Variants in STK33 observed in about 807,000 individuals in gnomAD.
The protein encoded by STK33 is serine/threonine kinase 33.
In STK33, 52 loss-of-function variants were observed where a neutral mutation model predicts 58.0. The ratio of observed to expected loss-of-function variants is 0.90; its 90% CI spans 0.72 to 1.13. The LOEUF (loss-of-function observed/expected upper bound fraction) is 1.13. Ranked by LOEUF, STK33 falls within the 50% of genes most tolerant of loss-of-function variation. STK33 has a pLI of 0.00. For missense variants in STK33, 630 were observed against 604.2 expected (o/e 1.04, Z -0.45); for synonymous variants, 215 against 200.1 (o/e 1.07, Z -0.63).
intron 1 of STK33, among the ~76,000 whole-genome samples, chr11:8,528,860 A>C (rs1267449173): frequency 2.6e-5 from 4 of 152,268 alleles, no homozygotes; most frequent in African/African-American, 9.6e-5. Context: ...AGCCTATTTT[A>C]GTTTATTTAA....
At chr11:8,369,686 T>G in the STK33 span, among the ~76,000 whole-genome samples, 1 of 152,138 alleles carries the variant, frequency 6.6e-6, no homozygotes, top group Non-Finnish European at 1.5e-5. Context: ...AGGCCTGATC[T>G]CTCTTCCTGC....
chr11:8,370,377 G>A, the STK33 span, among the ~76,000 whole-genome samples: 3 of 152,024 alleles, frequency 2.0e-5, no homozygotes, highest in African/African-American at 7.3e-5. Context: ...TCTTAATTTT[G>A]TGTAGAGATG....
the STK33 span, among the ~76,000 whole-genome samples, chr11:8,377,428 T>C: frequency 6.6e-6 from 1 of 152,226 alleles, no homozygotes; most frequent in Non-Finnish European, 1.5e-5. Context: ...GCATCCTTTA[T>C]GATAAAAACT....
intron 14 of STK33, among the ~76,000 whole-genome samples, chr11:8,426,962 A>G (rs915401184): frequency 6.6e-6 from 1 of 151,986 alleles, no homozygotes; most frequent in Admixed American, 6.6e-5. Context: ...CCTCATGTGG[A>G]TATTATCATG....
At position 8,499,745 on chromosome 11, in the gene STK33, A is replaced by C. The variant is rs1951365037; in HGVS notation, c.-465-19131T>G. On this transcript the variant is annotated intron_variant, in intron 1 of 15. Coordinates refer to ENST00000687296, the MANE Select transcript of STK33 (RefSeq NM_001352389.2). ...CCATGGAATACTATGCAGCCATAAA[A>C]AAGGATGAGTTCATGTCCTTTGCAG... Among the ~76,000 whole-genome samples, 4 of 152,330 alleles carry C rather than the reference A, an allele frequency of 2.6e-5. 1 individual carries two copies. Among genetic ancestry groups the C allele is most frequent in the Middle Eastern group, 6.8e-3 (2 of 294 alleles).
At chr11:8,572,103 T>A (rs1380971458) in intron 1 of STK33, among the ~76,000 whole-genome samples, 1 of 151,312 alleles carries the variant, frequency 6.6e-6, no homozygotes, top group Non-Finnish European at 1.5e-5. Context: ...AGGCTCGTGT[T>A]GGGGGTGGGA....
At chr11:8,412,578 T>C (rs1940442595) in intron 15 of STK33, among the ~76,000 whole-genome samples, 1 of 152,186 alleles carries the variant, frequency 6.6e-6, no homozygotes, top group Non-Finnish European at 1.5e-5. Flanking sequence ...TCCCTGAATC[T>C]GGTCCAGGAT....
At chr11:8,560,662 A>G (rs766528963) in intron 1 of STK33, among the ~76,000 whole-genome samples, 2 of 152,148 alleles carry the variant, frequency 1.3e-5, no homozygotes, top group Non-Finnish European at 2.9e-5. Context: ...TTATCTGCCC[A>G]TGTTTTTGCC....
rs1446464 is a variant in STK33, at chr11:8,464,763, C to T, written c.399G>A (p.Ala133=). The change falls in exon 7 of 16, where the codon GCG becomes GCA. Residue 133 remains alanine (A), a synonymous_variant. Coordinates refer to ENST00000687296, the MANE Select transcript of STK33 (RefSeq NM_001352389.2). The part of the protein sequence containing the change: ...GKGSFGIVIE[A]TDKETETKWA... ...ACTTCGTTTCTGTTTCCTTGTCTGT[C>T]GCTTCAATGACTATTCCAAAGCTCC... is the stretch of plus-strand genomic sequence containing the variant. The T allele has an allele frequency of 5.6e-6, 9 of 1,612,734 alleles. No homozygotes were observed. The highest frequency in any genetic ancestry group is 5.4e-5 in the African/African-American group (4 of 74,646).
At chr11:8,563,592 T>C (rs1362202294) in intron 1 of STK33, among the ~76,000 whole-genome samples, 2 of 152,174 alleles carry the variant, frequency 1.3e-5, no homozygotes, top group Non-Finnish European at 2.9e-5. Context: ...GCAACAGCTA[T>C]ATTGTACTTT....
At chr11:8,451,711 C>T (rs1349135828) in intron 11 of STK33, among the ~76,000 whole-genome samples, 1 of 152,104 alleles carries the variant, frequency 6.6e-6, no homozygotes, top group Admixed American at 6.6e-5. Context: ...TATGAAAAAT[C>T]ATTGTATTTT....
At chr11:8,573,418 ATAG>A (rs1433760279) in intron 1 of STK33, among the ~76,000 whole-genome samples, 2 of 152,330 alleles carry the variant, frequency 1.3e-5, no homozygotes, top group East Asian at 3.9e-4. Flanking sequence ...AAAATAAAAA[ATAG>A]TAGCAATACC....
At chr11:8,494,470 T>C (rs993674069) in intron 1 of STK33, among the ~76,000 whole-genome samples, 1 of 152,084 alleles carries the variant, frequency 6.6e-6, no homozygotes, top group Non-Finnish European at 1.5e-5. Flanking sequence ...GAAGAACATT[T>C]CATGCTCATG....
At chr11:8,431,209 AT>A (rs1229981643) in intron 14 of STK33, among the ~76,000 whole-genome samples, 2 of 152,162 alleles carry the variant, frequency 1.3e-5, no homozygotes, top group Non-Finnish European at 2.9e-5. Flanking sequence ...AGACTCAAAA[AT>A]ATATTCATAT....
At chr11:8,498,623 C>G (rs192551910) in intron 1 of STK33, among the ~76,000 whole-genome samples, 38 of 152,172 alleles carry the variant, frequency 2.5e-4, no homozygotes, top group Admixed American at 1.1e-3. Flanking sequence ...CCCACATTGC[C>G]AAGACAATCC....
the STK33 span, among the ~76,000 whole-genome samples, chr11:8,336,530 G>C: frequency 1.3e-5 from 2 of 152,260 alleles, no homozygotes; most frequent in Middle Eastern, 3.2e-3. Flanking sequence ...CAGGAGCCTA[G>C]TTTTTCCTGT....
intron 1 of STK33, among the ~76,000 whole-genome samples, chr11:8,499,670 C>A (rs767019238): frequency 1.3e-5 from 2 of 152,136 alleles, no homozygotes; most frequent in Non-Finnish European, 2.9e-5. Context: ...TGGAACCAAG[C>A]CAAATATCCA....
chr11:8,568,906 A>C (rs191997629), intron 1 of STK33, among the ~76,000 whole-genome samples: 1 of 152,342 alleles, frequency 6.6e-6, no homozygotes, highest in East Asian at 1.9e-4. Flanking sequence ...AAAGACACTA[A>C]AGATGACAAG....
chr11:8,401,080 G>A (rs565320563), intron 15 of STK33, among the ~76,000 whole-genome samples: 1 of 152,172 alleles, frequency 6.6e-6, no homozygotes, highest in Non-Finnish European at 1.5e-5. Flanking sequence ...TACCCATCAA[G>A]CTACCAATGA....
Sources: gnomAD v4.1 joint callset for allele counts (sites outside exome capture counted in the v4.1 genomes callset) on GRCh38, gnomAD v4.1.1 for gene constraint, MANE v1.5 for transcripts, NCBI Gene and HGNC (gene_info 2026-07-23, HGNC 2026-07-21) for gene names.